MYO15B: variants seen among roughly 807,000 people sequenced by gnomAD.
The protein encoded by MYO15B is myosin XVB pseudogene.
A neutral mutation model predicts 119.3 loss-of-function variants in MYO15B; 207 were observed. That is an observed-to-expected ratio of 1.73 (90% CI 1.55 to 1.95). MYO15B has a LOEUF of 1.95. MYO15B is among the 30% of genes most tolerant of loss of function. The pLI is 0.00. For synonymous variants in MYO15B, 966 were observed against 498.9 expected, an observed-to-expected ratio of 1.94 and a Z score of -12.48; for missense variants, 2,264 against 1,203.1, an observed-to-expected ratio of 1.88 and a Z score of -13.04.
Position 75,612,023 on chromosome 17 carries a change from G to A in MYO15B, c.4635+7G>A, listed in dbSNP as rs893522605. 13 of 702,760 alleles carry A rather than the reference G, an allele frequency of 1.8e-5. No homozygotes were observed. The highest frequency in any genetic ancestry group is 3.1e-5 in the Non-Finnish European group (12 of 384,974). The allele number at this position is 702,760 out of a possible 1,614,324, so 43.5% of individuals were successfully genotyped here. A position where few individuals can be genotyped will look rare whatever the true frequency, so the allele number is the denominator to read the frequency against. On this transcript the variant is annotated splice_region_variant and intron_variant, in intron 25 of 63. Coordinates refer to ENST00000645453, the Ensembl canonical transcript of MYO15B. The stretch of plus-strand genomic sequence containing the variant: ...CGTCGCCATCGGCTTTCAGGTGGGC[G>A]CCCAGGCCTAAGCTCTTCCCGCTGG...
chr17:75,591,274 A>G (rs1477748231), intron 4 of MYO15B, 28 bp downstream of exon 4: 1 of 702,138 alleles, frequency 1.4e-6, no homozygotes, highest in South Asian at 1.5e-5. Flanking sequence ...TGGGTGGCTG[A>G]ACCCATGGGC....
intron 20 of MYO15B, 115 bp from the exon 21 acceptor site, chr17:75,605,749 G>A (rs551122317): frequency 2.3e-5 from 15 of 654,902 alleles, no homozygotes; most frequent in Admixed American, 4.3e-5. Context: ...AGGGCTGGAC[G>A]GCAGGGCCAG....
At chr17:75,607,840 T>G (rs1413727509) in intron 21 of MYO15B, among the ~76,000 whole-genome samples, 1 of 152,178 alleles carries the variant, frequency 6.6e-6, no homozygotes, top group Non-Finnish European at 1.5e-5. Flanking sequence ...GGTAATTCTA[T>G]GTTTAACTTT....
At chr17:75,588,086 A>C in exon 1 of MYO15B, 1 of 398,308 alleles carries the variant, frequency 2.5e-6, no homozygotes, top group Non-Finnish European at 4.4e-6. Flanking sequence ...AAAGCGCCCC[A>C]GCGCCTGGAG....
chr17:75,609,172 C>T (rs572744017), intron 21 of MYO15B, among the ~76,000 whole-genome samples: 11 of 151,950 alleles, frequency 7.2e-5, no homozygotes, highest in East Asian at 1.9e-4. Context: ...CCATTGCACC[C>T]GACCAGTGGT....
At position 75,590,703 on chromosome 17, in the gene MYO15B, C is replaced by T. The variant is rs554003579; in HGVS notation, c.2250+14C>T. On this transcript the variant is annotated intron_variant, in intron 2 of 63. Coordinates refer to ENST00000645453, the Ensembl canonical transcript of MYO15B. ...GGCCGTATCTATGTATGGGGAGCCA[C>T]GGGGACGGACAGTGGGCGGGGATCC... The T allele has an allele frequency of 4.9e-5, 9 of 183,600 alleles. No homozygotes were observed. Among genetic ancestry groups the T allele is most frequent in the East Asian group, 1.6e-4 (1 of 6,406 alleles). The allele number at this position is 183,600 out of a possible 1,614,324, so 11.4% of individuals were successfully genotyped here.
chr17:75,605,720 C>T (rs2057600934), intron 20 of MYO15B, 99 bp downstream of exon 20: 3 of 675,228 alleles, frequency 4.4e-6, no homozygotes, highest in South Asian at 1.5e-5. Context: ...GGGGATCCAT[C>T]CAAGTGGTGG....
In MYO15B at chr17:75,625,162, G is replaced by A. The variant is rs75431281; in HGVS notation, c.8728G>A (p.Ala2910Thr). The A allele has an allele frequency of 1.6e-4, 111 of 702,246 alleles. No homozygotes were observed. The East Asian group carries it at 2.5e-3, about 16-fold the overall frequency. 43.5% of individuals were successfully genotyped at this position (702,246 alleles called of 1,614,324 possible). ...CCTTCAGGGGAAGCTGCCAGTCAGC[G>A]CCAAGGCAGACGCGCAGCTCGCCAG... The change falls in exon 60 of 64, where the codon GCC becomes ACC. Residue 2910 changes from alanine to threonine, a missense_variant. Physicochemically the swap from Ala to Thr is moderately conservative, Grantham distance 58. Coordinates refer to ENST00000645453, the Ensembl canonical transcript of MYO15B.
intron 8 of MYO15B, 23 bp downstream of exon 8, chr17:75,592,564 G>T: frequency 9.8e-6 from 6 of 613,960 alleles, no homozygotes; most frequent in Non-Finnish European, 1.8e-5. Flanking sequence ...CTTGTGGTGC[G>T]GCGGGGAGGC....
chr17:75,609,588 C>T (rs1475931151), intron 21 of MYO15B, among the ~76,000 whole-genome samples: 2 of 147,248 alleles, frequency 1.4e-5, no homozygotes, highest in African/African-American at 5.1e-5. Flanking sequence ...CTTAATCCCT[C>T]AGGCTAAACA....
rs2056543014 is a variant in MYO15B at position 75,592,546 on chromosome 17, G to A, written c.2829+5G>A. The A allele has an allele frequency of 2.8e-5, 17 of 610,978 alleles. 1 individual carries two copies. The South Asian group carries it at 3.2e-4, about 12-fold the overall frequency. The allele number at this position is 610,978 out of a possible 1,614,324, so 37.8% of individuals were successfully genotyped here. The stretch of plus-strand genomic sequence containing the variant: ...ACTTACTACTACCTCAACCAGGTCG[G>A]GGGAGCCCTTGTGGTGCGGCGGGGA... On this transcript the variant is annotated splice_donor_5th_base_variant and intron_variant, in intron 8 of 63. Transcript: ENST00000645453.
exon 64 of MYO15B, chr17:75,626,441 T>C (rs1027651072): frequency 1.4e-6 from 1 of 703,264 alleles, no homozygotes. Context: ...GTCTTCCTGA[T>C]AGACAGCAGT....
At chr17:75,597,996 G>A (rs978626041) in intron 14 of MYO15B, among the ~76,000 whole-genome samples, 3 of 152,120 alleles carry the variant, frequency 2.0e-5, no homozygotes, top group South Asian at 2.1e-4. Flanking sequence ...GTGGGTGGGC[G>A]TGTGGGGCAG....
At chr17:75,622,205 G>A (rs193258148) in intron 53 of MYO15B, 125 bp downstream of exon 53, 5 of 636,922 alleles carry the variant, frequency 7.9e-6, no homozygotes, top group African/African-American at 3.6e-5. Flanking sequence ...CACCCATTGC[G>A]TGCAGGGGGG....
At chr17:75,606,656 A>G (rs953257003) in intron 21 of MYO15B, among the ~76,000 whole-genome samples, 1 of 151,660 alleles carries the variant, frequency 6.6e-6, no homozygotes, top group African/African-American at 2.4e-5. Context: ...TATTTTTAGT[A>G]GAGACGGGGT....
chr17:75,590,440 C>T (rs1341295250), intron 1 of MYO15B, 186 bp from the exon 2 acceptor site: 1 of 397,024 alleles, frequency 2.5e-6, no homozygotes, highest in African/African-American at 2.1e-5. Context: ...TAGTACAAAG[C>T]TTCCTTCTGG....
intron 15 of MYO15B, among the ~76,000 whole-genome samples, chr17:75,602,062 C>G (rs1357956942): frequency 1.3e-5 from 2 of 151,748 alleles, no homozygotes; most frequent in Admixed American, 6.6e-5. Context: ...GGTGGGGGAG[C>G]GGGGGCTGGA....
chr17:75,590,380 G>A (rs1429187122), intron 1 of MYO15B, 137 bp downstream of exon 1: 6 of 398,046 alleles, frequency 1.5e-5, no homozygotes, highest in Admixed American at 8.8e-5. Flanking sequence ...TGGCAGGAAG[G>A]GGCAGGTAAG....
At chr17:75,606,559 C>T (rs919634027) in intron 21 of MYO15B, among the ~76,000 whole-genome samples, 5 of 151,834 alleles carry the variant, frequency 3.3e-5, no homozygotes, top group Admixed American at 2.6e-4. Context: ...CTGCAACCTC[C>T]ACCTAACAGG....
Sources: allele counts gnomAD v4.1 joint callset (sites outside exome capture counted in the v4.1 genomes callset), GRCh38; gene constraint gnomAD v4.1.1; transcripts MANE v1.5; gene names NCBI Gene and HGNC (gene_info 2026-07-23, HGNC 2026-07-21).